The following AFG1L variants were observed in gnomAD, a reference collection of about 807,000 sequenced individuals.
AFG1L encodes the protein AFG1 like ATPase.
Under a neutral mutation model 62.2 loss-of-function variants are expected in AFG1L, and 53 were observed. That is an observed-to-expected ratio of 0.85 (90% CI 0.68 to 1.07). AFG1L has a LOEUF of 1.07. AFG1L is among the 50% of genes least tolerant of loss of function. The probability of loss-of-function intolerance (pLI) is 0.00; values close to 1 mark genes in which losing one functional copy is unlikely to be tolerated. For missense variants in AFG1L, 555 were observed against 590.5 expected (o/e 0.94, Z 0.62); for synonymous variants, 228 against 210.3 (o/e 1.08, Z -0.73).
At chr6:108,454,449 G>A (rs917657551) in intron 8 of AFG1L, among the ~76,000 whole-genome samples, 1 of 152,188 alleles carries the variant, frequency 6.6e-6, no homozygotes. Flanking sequence ...GATCACCTTT[G>A]TCATTCTTAG....
intron 5 of AFG1L, among the ~76,000 whole-genome samples, chr6:108,363,463 GT>G (rs1257632727): frequency 3.3e-5 from 5 of 151,254 alleles, no homozygotes; most frequent in African/African-American, 1.2e-4. Context: ...TGTTTGGATA[GT>G]TTTTTTTTGT....
intron 6 of AFG1L, among the ~76,000 whole-genome samples, chr6:108,396,251 A>C (rs1781303245): frequency 6.6e-6 from 1 of 152,098 alleles, no homozygotes; most frequent in Admixed American, 6.6e-5. Flanking sequence ...GAAAAATATG[A>C]AGAGCTTAAA....
chr6:108,362,779 A>G (rs754276454), intron 5 of AFG1L, among the ~76,000 whole-genome samples: 2 of 152,196 alleles, frequency 1.3e-5, no homozygotes, highest in Non-Finnish European at 2.9e-5. Flanking sequence ...TTAGTATATA[A>G]AGTCTTGTAT....
chr6:108,319,836 C>A, intron 1 of AFG1L: 1 of 411,354 alleles, frequency 2.4e-6, no homozygotes, highest in Admixed American at 2.6e-5. Flanking sequence ...AGTAAATATG[C>A]TCTGTGGATG....
intron 8 of AFG1L, among the ~76,000 whole-genome samples, chr6:108,476,188 G>C (rs189826816): frequency 6.6e-6 from 1 of 152,194 alleles, no homozygotes; most frequent in African/African-American, 2.4e-5. Context: ...ACCATATGGT[G>C]ATTTCTAATT....
At chr6:108,481,942 A>G (rs1050783306) in intron 10 of AFG1L, among the ~76,000 whole-genome samples, 1 of 152,230 alleles carries the variant, frequency 6.6e-6, no homozygotes, top group Non-Finnish European at 1.5e-5. Context: ...TGAATGAAAT[A>G]AGACTGTCAT....
chr6:108,455,561 A>G (rs1275280710), intron 8 of AFG1L, among the ~76,000 whole-genome samples: 1 of 152,022 alleles, frequency 6.6e-6, no homozygotes, highest in Admixed American at 6.6e-5. Context: ...TTCCTTTTCT[A>G]GTTTTTTAAG....
intron 5 of AFG1L, among the ~76,000 whole-genome samples, chr6:108,363,833 A>G (rs1012484044): frequency 1.3e-5 from 2 of 152,192 alleles, no homozygotes; most frequent in African/African-American, 2.4e-5. Context: ...AAAAACTGCT[A>G]ATAAAAAATA....
At chr6:108,356,193 C>T (rs1779280573) in intron 4 of AFG1L, among the ~76,000 whole-genome samples, 1 of 152,176 alleles carries the variant, frequency 6.6e-6, no homozygotes, top group African/African-American at 2.4e-5. Context: ...TGCACTGTAA[C>T]CTCCCCAGAG....
chr6:108,475,248 G>T lies in AFG1L; in HGVS notation c.891-1617G>T, dbSNP rs938698813. Among the ~76,000 whole-genome samples the T allele has an allele frequency of 6.6e-5, 10 of 152,126 alleles. No homozygotes were observed. In the East Asian group the frequency reaches 1.9e-3, roughly 29 times the overall value. ...TCTCTGTTCTGTTCCATTGGTCTAT[G>T]TGTCTGTATTGGTACCAGTACCAGG... is the stretch of plus-strand genomic sequence containing the variant. On this transcript the variant is annotated intron_variant, in intron 8 of 12. Transcript: ENST00000368977.
At chr6:108,419,913 T>G (rs1770512612) in intron 7 of AFG1L, among the ~76,000 whole-genome samples, 1 of 152,198 alleles carries the variant, frequency 6.6e-6, no homozygotes, top group Non-Finnish European at 1.5e-5. Context: ...TGCTTCAGTG[T>G]TCAGCCTTTG....
At chr6:108,454,390 G>T (rs1478406533) in intron 8 of AFG1L, among the ~76,000 whole-genome samples, 8 of 152,134 alleles carry the variant, frequency 5.3e-5, no homozygotes, top group Admixed American at 5.2e-4. Context: ...GCCTTTGAGG[G>T]CCCATTAGGT....
intron 10 of AFG1L, among the ~76,000 whole-genome samples, chr6:108,489,259 G>C (rs928227753): frequency 6.6e-5 from 10 of 152,190 alleles, no homozygotes; most frequent in Non-Finnish European, 1.3e-4. Flanking sequence ...TGGGAAAGGA[G>C]AGAACCACAG....
intron 10 of AFG1L, among the ~76,000 whole-genome samples, chr6:108,479,930 G>C (rs538589569): frequency 3.3e-5 from 5 of 152,254 alleles, no homozygotes; most frequent in African/African-American, 9.6e-5. Context: ...AGTCCATAAT[G>C]ACTATTTTTG....
intron 8 of AFG1L, among the ~76,000 whole-genome samples, chr6:108,472,446 G>C (rs1228926339): frequency 6.6e-6 from 1 of 152,138 alleles, no homozygotes; most frequent in Non-Finnish European, 1.5e-5. Context: ...TTGATTGGCT[G>C]TAGTGATAAT....
intron 6 of AFG1L, among the ~76,000 whole-genome samples, chr6:108,396,260 A>G (rs1455159906): frequency 6.6e-6 from 1 of 152,030 alleles, no homozygotes; most frequent in Non-Finnish European, 1.5e-5. Context: ...GAAGAGCTTA[A>G]AACTTGTCCC....
intron 10 of AFG1L, among the ~76,000 whole-genome samples, chr6:108,490,967 A>G (rs775047339): frequency 2.0e-5 from 3 of 152,200 alleles, no homozygotes; most frequent in African/African-American, 4.8e-5. Context: ...TATTTCCCTG[A>G]TTCTCTTTTG....
chr6:108,356,832 A>C lies in AFG1L; in HGVS notation c.648+12A>C. ...TTGATGAATTTCAGGTAAAGTAGAG[A>C]TTTTTCATAGATATAGAATGGTATA... On this transcript the variant is annotated intron_variant, in intron 5 of 12. Transcript: ENST00000368977. The C allele has an allele frequency of 1.2e-6, 2 of 1,602,502 alleles. No homozygotes were observed. The highest frequency in any genetic ancestry group is 1.7e-6 in the Non-Finnish European group (2 of 1,175,100).
intron 10 of AFG1L, among the ~76,000 whole-genome samples, chr6:108,487,701 A>T (rs923796536): frequency 1.3e-5 from 2 of 152,210 alleles, no homozygotes; most frequent in African/African-American, 2.4e-5. Context: ...GAGGAAATTG[A>T]CCTTGACCTG....
Sources: allele counts gnomAD v4.1 joint callset (sites outside exome capture counted in the v4.1 genomes callset), GRCh38; gene constraint gnomAD v4.1.1; transcripts MANE v1.5; gene names NCBI Gene and HGNC (gene_info 2026-07-23, HGNC 2026-07-21).